B3GALT1: variants seen among roughly 807,000 people sequenced by gnomAD.
B3GALT1 encodes beta-1,3-galactosyltransferase 1.
B3GALT1 carries 10 observed loss-of-function variants against 23.2 expected under a neutral mutation model. The ratio of observed to expected loss-of-function variants is 0.43; its 90% CI spans 0.27 to 0.73. The LOEUF (loss-of-function observed/expected upper bound fraction) is 0.73. Ranked by LOEUF, B3GALT1 falls within the 30% of genes least tolerant of loss-of-function variation. The pLI, the probability that B3GALT1 is intolerant of heterozygous loss-of-function variation, is 0.21. For missense variants in B3GALT1, 299 were observed against 405.4 expected, an observed-to-expected ratio of 0.74 and a Z score of 2.25; for synonymous variants, 156 against 141.5, an observed-to-expected ratio of 1.10 and a Z score of -0.73.
intron 1 of B3GALT1, among the ~76,000 whole-genome samples, chr2:167,354,455 T>C (rs1261358402): frequency 6.6e-6 from 1 of 151,368 alleles, no homozygotes; most frequent in Non-Finnish European, 1.5e-5. Context: ...CAAGCGATTC[T>C]CCTGCCTCAG....
At chr2:167,535,628 T>A (rs908305868) in intron 2 of B3GALT1, among the ~76,000 whole-genome samples, 1 of 151,680 alleles carries the variant, frequency 6.6e-6, no homozygotes, top group Non-Finnish European at 1.5e-5. Context: ...AGGCATACCA[T>A]GTTATCCCTC....
chr2:167,803,200 T>TA (rs1688674949), intron 3 of B3GALT1, among the ~76,000 whole-genome samples: 1 of 151,816 alleles, frequency 6.6e-6, no homozygotes, highest in Non-Finnish European at 1.5e-5. Flanking sequence ...AGCCAATCCT[T>TA]AAAAAAATTG....
intron 2 of B3GALT1, among the ~76,000 whole-genome samples, chr2:167,616,526 AC>A (rs1028805181): frequency 7.2e-5 from 11 of 152,042 alleles, no homozygotes; most frequent in African/African-American, 2.7e-4. Context: ...ACATGGTGAA[AC>A]CCCGTCGCTA....
At chr2:167,594,565 G>T (rs950093363) in intron 2 of B3GALT1, among the ~76,000 whole-genome samples, 6 of 152,098 alleles carry the variant, frequency 3.9e-5, no homozygotes, top group Non-Finnish European at 7.3e-5. Context: ...CTGGAATCAA[G>T]TGGCCACTTA....
intron 4 of B3GALT1, among the ~76,000 whole-genome samples, chr2:167,823,490 T>C (rs1035384043): frequency 2.6e-5 from 4 of 152,340 alleles, no homozygotes; most frequent in Admixed American, 6.5e-5. Context: ...GAATGCCATT[T>C]TCTCATTTGC....
intron 1 of B3GALT1, among the ~76,000 whole-genome samples, chr2:167,405,856 A>G (rs947174984): frequency 1.3e-5 from 2 of 152,198 alleles, no homozygotes; most frequent in Non-Finnish European, 2.9e-5. Context: ...CAAAAAAGTC[A>G]TAGAGAATTA....
At chr2:167,510,440 TCCTAGACTAGAC>T in intron 2 of B3GALT1, among the ~76,000 whole-genome samples, 1 of 149,836 alleles carries the variant, frequency 6.7e-6, no homozygotes. Flanking sequence ...GCCTAAGTTA[TCCTAGACTAGAC>T]CAGATACATC....
chr2:167,403,156 A>C, intron 1 of B3GALT1, among the ~76,000 whole-genome samples: 1 of 148,342 alleles, frequency 6.7e-6, no homozygotes, highest in African/African-American at 2.5e-5. Context: ...ATATCTCCTA[A>C]TGCTATCCCT....
Position 167,652,916 on chromosome 2 carries a change from G to A in B3GALT1, c.-352+5950G>A, listed in dbSNP as rs544793469. 2.8e-4 allele frequency among the ~76,000 whole-genome samples: 42 copies of A among 152,198 alleles called. 1 individual carries two copies. The South Asian group carries it at 8.1e-3, about 29-fold the overall frequency. On this transcript the variant is annotated intron_variant, in intron 3 of 4. Transcript: ENST00000392690. ...GTCATACCATAAGAAAAACGAAGTT[G>A]TTTGTGTATTTATATGGATGTGTAC... is the stretch of plus-strand genomic sequence containing the variant.
chr2:167,588,520 C>T (rs1684617412), intron 2 of B3GALT1, among the ~76,000 whole-genome samples: 1 of 152,090 alleles, frequency 6.6e-6, no homozygotes, highest in South Asian at 2.1e-4. Context: ...ATAAGGGTGA[C>T]AGTTTTCCAC....
chr2:167,335,515 T>TA (rs1697044316), intron 1 of B3GALT1, among the ~76,000 whole-genome samples: 1 of 152,204 alleles, frequency 6.6e-6, no homozygotes, highest in African/African-American at 2.4e-5. Flanking sequence ...ACTTCTTGAT[T>TA]ATATGCTAAA....
intron 4 of B3GALT1, among the ~76,000 whole-genome samples, chr2:167,860,370 T>C (rs1690074378): frequency 1.3e-5 from 2 of 152,194 alleles, no homozygotes; most frequent in African/African-American, 2.4e-5. Context: ...CCTTTCTCTC[T>C]GTCTCTCTCG....
intron 1 of B3GALT1, among the ~76,000 whole-genome samples, chr2:167,448,347 T>A (rs1407622634): frequency 6.6e-6 from 1 of 152,136 alleles, no homozygotes; most frequent in African/African-American, 2.4e-5. Flanking sequence ...ACATTGTGGT[T>A]TTGATTTGAA....
chr2:167,461,714 C>T (rs555446205), intron 1 of B3GALT1, among the ~76,000 whole-genome samples: 1 of 152,048 alleles, frequency 6.6e-6, no homozygotes, highest in East Asian at 1.9e-4. Flanking sequence ...TAGCTAAATT[C>T]TTTTCTATTT....
intron 3 of B3GALT1, among the ~76,000 whole-genome samples, chr2:167,669,904 G>A (rs1001669698): frequency 2.6e-5 from 4 of 152,088 alleles, no homozygotes; most frequent in African/African-American, 7.2e-5. Context: ...TAAATAGTCT[G>A]TAGGCAGCTA....
chr2:167,443,530 G>A (rs1317937131), intron 1 of B3GALT1, among the ~76,000 whole-genome samples: 2 of 149,708 alleles, frequency 1.3e-5, no homozygotes, highest in Non-Finnish European at 3.0e-5. Flanking sequence ...TTCCATTTGT[G>A]TCCTCTTTTA....
chr2:167,629,604 T>C (rs540981229), intron 2 of B3GALT1, among the ~76,000 whole-genome samples: 17 of 151,894 alleles, frequency 1.1e-4, no homozygotes, highest in African/African-American at 4.1e-4. Context: ...CATTGTTTTA[T>C]TAACATTTTT....
intron 3 of B3GALT1, among the ~76,000 whole-genome samples, chr2:167,760,954 A>G (rs901012957): frequency 3.9e-5 from 6 of 152,188 alleles, no homozygotes; most frequent in Non-Finnish European, 7.3e-5. Flanking sequence ...AGGATTTGGA[A>G]CACAGCATAT....
chr2:167,412,669 G>T (rs1225352808), intron 1 of B3GALT1, among the ~76,000 whole-genome samples: 1 of 152,044 alleles, frequency 6.6e-6, no homozygotes, highest in Non-Finnish European at 1.5e-5. Context: ...TTGGAAAACT[G>T]CTTAGAATTA....
Sources: gnomAD v4.1 joint callset for allele counts (sites outside exome capture counted in the v4.1 genomes callset) on GRCh38, gnomAD v4.1.1 for gene constraint, MANE v1.5 for transcripts, NCBI Gene and HGNC (gene_info 2026-07-23, HGNC 2026-07-21) for gene names.